Variants in FAM78B observed in about 807,000 individuals in gnomAD.
The protein encoded by FAM78B is family with sequence similarity 78 member B, also known as protein FAM78B.
A neutral mutation model predicts 20.0 loss-of-function variants in FAM78B; 10 were observed. The observed-to-expected ratio is 0.50, with a 90% CI of 0.31 to 0.85. The LOEUF is 0.85. Ranked by LOEUF, FAM78B falls within the 40% of genes least tolerant of loss-of-function variation. The pLI, the probability that FAM78B is intolerant of heterozygous loss-of-function variation, is 0.05. For missense variants in FAM78B, 283 were observed against 345.0 expected (o/e 0.82, Z 1.42); for synonymous variants, 135 against 132.8 (o/e 1.02, Z -0.12).
chr1:166,159,788 A>C (rs981539160), intron 1 of FAM78B, among the ~76,000 whole-genome samples: 1 of 152,008 alleles, frequency 6.6e-6, no homozygotes, highest in Non-Finnish European at 1.5e-5. Context: ...TTCCTCCCCT[A>C]TCTCTCCAAC....
At chr1:166,071,552 A>C (rs1181564024) in intron 1 of FAM78B, among the ~76,000 whole-genome samples, 2 of 152,062 alleles carry the variant, frequency 1.3e-5, no homozygotes, top group South Asian at 2.1e-4. Context: ...CAATGTCTCT[A>C]CCCCCTGCTG....
chr1:166,096,146 A>C (rs940517157), intron 1 of FAM78B, among the ~76,000 whole-genome samples: 2 of 152,218 alleles, frequency 1.3e-5, no homozygotes, highest in African/African-American at 2.4e-5. Context: ...TAAGAAACTC[A>C]AATTGCCAGT....
chr1:166,121,383 G>A (rs1417952517), intron 1 of FAM78B, among the ~76,000 whole-genome samples: 2 of 152,194 alleles, frequency 1.3e-5, no homozygotes, highest in Non-Finnish European at 2.9e-5. Context: ...CCACCCTGAG[G>A]AAGCAGACCC....
chr1:166,100,030 A>C (rs1653449835), intron 1 of FAM78B, among the ~76,000 whole-genome samples: 1 of 152,258 alleles, frequency 6.6e-6, no homozygotes, highest in Admixed American at 6.5e-5. Flanking sequence ...GCCTCAATAA[A>C]TTTAAGACAA....
intron 1 of FAM78B, among the ~76,000 whole-genome samples, chr1:166,164,337 C>T (rs975554364): frequency 6.6e-6 from 1 of 152,212 alleles, no homozygotes; most frequent in Non-Finnish European, 1.5e-5. Flanking sequence ...CTGCCTGTGG[C>T]TTTCTCTGAC....
downstream of FAM78B, among the ~76,000 whole-genome samples, chr1:166,056,656 C>T (rs1038520963): frequency 1.3e-5 from 2 of 152,154 alleles, no homozygotes; most frequent in African/African-American, 4.8e-5. Flanking sequence ...AGGTGGCAAA[C>T]ATTAAGCTAA....
intron 1 of FAM78B, among the ~76,000 whole-genome samples, chr1:166,140,595 T>C (rs1655242958): frequency 6.6e-6 from 1 of 152,210 alleles, no homozygotes; most frequent in South Asian, 2.1e-4. Context: ...CTTCTGTCTT[T>C]TGTGAGGCTG....
At chr1:166,148,900 T>A (rs948132976) in intron 1 of FAM78B, among the ~76,000 whole-genome samples, 3 of 152,216 alleles carry the variant, frequency 2.0e-5, no homozygotes, top group African/African-American at 7.2e-5. Flanking sequence ...CGGTGTTTGG[T>A]TTTTTGTTCT....
chr1:166,089,859 G>T (rs1213247253), intron 1 of FAM78B, among the ~76,000 whole-genome samples: 1 of 152,256 alleles, frequency 6.6e-6, no homozygotes, highest in African/African-American at 2.4e-5. Context: ...TAACATAACC[G>T]CGGTGGGGGT....
chr1:166,109,856 A>ATGTGTGTG (rs1261998155), intron 1 of FAM78B, among the ~76,000 whole-genome samples: 2 of 19,376 alleles, frequency 1.0e-4, no homozygotes, highest in Non-Finnish European at 1.3e-4. Flanking sequence ...ATATATATAT[A>ATGTGTGTG]TATATGTATG....
At chr1:166,066,571 T>G (rs1010903853), downstream of FAM78B, among the ~76,000 whole-genome samples, 1 of 152,222 alleles carries the variant, frequency 6.6e-6, no homozygotes, top group African/African-American at 2.4e-5. Flanking sequence ...CTCATGGATA[T>G]GCCACTTAAC....
intron 1 of FAM78B, among the ~76,000 whole-genome samples, chr1:166,104,484 C>A (rs1418157240): frequency 1.3e-5 from 2 of 152,188 alleles, no homozygotes; most frequent in African/African-American, 4.8e-5. Flanking sequence ...TCTCCTTAAG[C>A]TGATAAGCAA....
chr1:166,160,263 T>C (rs9651029), intron 1 of FAM78B, among the ~76,000 whole-genome samples: 6,060 of 152,284 alleles, frequency 0.04, 409 homozygotes, highest in African/African-American at 0.14. Flanking sequence ...AGGGGAGCTC[T>C]AGCTTGGGGG....
chr1:166,094,094 AG>A (rs1315010693), intron 1 of FAM78B, among the ~76,000 whole-genome samples: 1 of 150,196 alleles, frequency 6.7e-6, no homozygotes, highest in Non-Finnish European at 1.5e-5. Flanking sequence ...CAGCAGGGGA[AG>A]GAAGCAGGAC....
Position 166,130,628 on chromosome 1 carries a change from GAACT to G in FAM78B, c.263+35354_263+35357del, listed in dbSNP as rs1001276174. ...AGCCCTCTGCTGCCACTCCAACAAA[GAACT>G]AACCAGGCCAAAATGTCAATAGTAC... On this transcript the variant is annotated intron_variant, in intron 1 of 1. Coordinates refer to ENST00000354422, the MANE Select transcript of FAM78B (RefSeq NM_001017961.5). Among the ~76,000 whole-genome samples, 23 of 152,202 alleles carry G rather than the reference GAACT, an allele frequency of 1.5e-4. 1 individual carries two copies. Among genetic ancestry groups the G allele is most frequent in the Non-Finnish European group, 2.5e-4 (17 of 68,008 alleles).
At chr1:166,066,449 T>C (rs1651798675), downstream of FAM78B, among the ~76,000 whole-genome samples, 1 of 152,218 alleles carries the variant, frequency 6.6e-6, no homozygotes, top group South Asian at 2.1e-4. Flanking sequence ...TTTTCTTTTG[T>C]GCCCTCTAGT....
At chr1:166,156,932 A>G (rs1655918923) in intron 1 of FAM78B, among the ~76,000 whole-genome samples, 1 of 150,320 alleles carries the variant, frequency 6.7e-6, no homozygotes, top group African/African-American at 2.4e-5. Context: ...CATCATGCCT[A>G]GGGATTAGGA....
intron 1 of FAM78B, among the ~76,000 whole-genome samples, chr1:166,130,931 T>C (rs1489260812): frequency 6.6e-6 from 1 of 150,912 alleles, no homozygotes; most frequent in African/African-American, 2.4e-5. Context: ...GTCACAAGGC[T>C]GCGGGCCCAG....
At chr1:166,094,205 A>G (rs1653188147) in intron 1 of FAM78B, among the ~76,000 whole-genome samples, 2 of 152,114 alleles carry the variant, frequency 1.3e-5, no homozygotes, top group Non-Finnish European at 2.9e-5. Context: ...CCATGCCTAC[A>G]GCCAAGGGAA....
Sources: allele counts gnomAD v4.1 joint callset (sites outside exome capture counted in the v4.1 genomes callset), GRCh38; gene constraint gnomAD v4.1.1; transcripts MANE v1.5; gene names NCBI Gene and HGNC (gene_info 2026-07-23, HGNC 2026-07-21).